The following SLC14A2 variants were observed in gnomAD, a reference collection of about 807,000 sequenced individuals.
SLC14A2 encodes the protein solute carrier family 14 member 2, also known as urea transporter 2.
Under a neutral mutation model 104.6 loss-of-function variants are expected in SLC14A2, and 91 were observed. The ratio of observed to expected loss-of-function variants is 0.87; its 90% CI spans 0.73 to 1.04. The LOEUF is 1.04. SLC14A2 is among the 50% of genes least tolerant of loss of function. The pLI is 0.00. For missense variants in SLC14A2, 1,189 were observed against 1,156.0 expected, an observed-to-expected ratio of 1.03 and a Z score of -0.41; for synonymous variants, 476 against 466.4, an observed-to-expected ratio of 1.02 and a Z score of -0.27.
At chr18:45,532,722 T>G (rs1598969794) in intron 2 of SLC14A2, among the ~76,000 whole-genome samples, 1 of 152,246 alleles carries the variant, frequency 6.6e-6, no homozygotes, top group East Asian at 1.9e-4. Flanking sequence ...TGGCCAGAAC[T>G]TCCAACACTA....
chr18:45,186,678 C>T, the SLC14A2 span, among the ~76,000 whole-genome samples: 3 of 152,144 alleles, frequency 2.0e-5, no homozygotes, highest in Non-Finnish European at 2.9e-5. Context: ...ACAGAAGCAT[C>T]CAGAGAGTCA....
At chr18:45,256,072 C>T (rs1302549579) in intron 1 of SLC14A2, among the ~76,000 whole-genome samples, 3 of 152,160 alleles carry the variant, frequency 2.0e-5, no homozygotes, top group African/African-American at 7.2e-5. Flanking sequence ...TGGGACTCAG[C>T]GTTCTGGAGG....
chr18:45,355,328 C>T (rs1196569462), intron 1 of SLC14A2, among the ~76,000 whole-genome samples: 1 of 152,022 alleles, frequency 6.6e-6, no homozygotes, highest in Non-Finnish European at 1.5e-5. Context: ...GTAATCCCAG[C>T]ACTTTGGGAG....
intron 1 of SLC14A2, among the ~76,000 whole-genome samples, chr18:45,375,224 C>A (rs566573819): frequency 6.6e-6 from 1 of 152,170 alleles, no homozygotes; most frequent in African/African-American, 2.4e-5. Flanking sequence ...ACTAGACTGC[C>A]TTTGTAGGAC....
At chr18:45,275,807 T>G (rs1046518752) in intron 1 of SLC14A2, among the ~76,000 whole-genome samples, 1 of 152,228 alleles carries the variant, frequency 6.6e-6, no homozygotes, top group African/African-American at 2.4e-5. Context: ...TCAAAATCCC[T>G]GTCTTCACTG....
chr18:45,179,480 AC>A, the SLC14A2 span, among the ~76,000 whole-genome samples: 1 of 152,142 alleles, frequency 6.6e-6, no homozygotes, highest in African/African-American at 2.4e-5. Flanking sequence ...GAAAACAAAA[AC>A]AAAACACAGG....
intron 1 of SLC14A2, among the ~76,000 whole-genome samples, chr18:45,236,583 A>G (rs185244876): frequency 1.4e-5 from 2 of 147,834 alleles, no homozygotes; most frequent in African/African-American, 5.1e-5. Context: ...ATATACATAT[A>G]TATATGGGAA....
intron 2 of SLC14A2, among the ~76,000 whole-genome samples, chr18:45,589,610 T>TG (rs1403718188): frequency 6.6e-6 from 1 of 152,210 alleles, no homozygotes; most frequent in African/African-American, 2.4e-5. Context: ...TCAAATTCAA[T>TG]GGATTTTGGC....
chr18:45,210,829 T>C (rs1261760637), upstream of SLC14A2, among the ~76,000 whole-genome samples: 1 of 152,222 alleles, frequency 6.6e-6, no homozygotes, highest in Non-Finnish European at 1.5e-5. Context: ...TAACGTGATA[T>C]AGAATATGGA....
chr18:45,181,226 C>T, the SLC14A2 span: 1 of 152,300 alleles, frequency 6.6e-6, no homozygotes, highest in Non-Finnish European at 1.5e-5. Flanking sequence ...TTGTACATCA[C>T]TCTTGCAAAA....
chr18:45,225,736 A>G (rs1025280144), intron 1 of SLC14A2, among the ~76,000 whole-genome samples: 6 of 152,210 alleles, frequency 3.9e-5, no homozygotes, highest in African/African-American at 1.4e-4. Flanking sequence ...TAGGTATTTT[A>G]TTCTCTTTGA....
At chr18:45,675,059 C>G (rs2046204234) in intron 18 of SLC14A2, among the ~76,000 whole-genome samples, 1 of 152,156 alleles carries the variant, frequency 6.6e-6, no homozygotes, top group Non-Finnish European at 1.5e-5. Context: ...CAGCATGGCA[C>G]CTCTCTCTAT....
chr18:45,621,694 G>A (rs907590587), intron 1 of SLC14A2, among the ~76,000 whole-genome samples: 17 of 152,190 alleles, frequency 1.1e-4, no homozygotes, highest in Non-Finnish European at 1.2e-4. Flanking sequence ...GGAGGCCACC[G>A]TCCTCATGAA....
intron 1 of SLC14A2, among the ~76,000 whole-genome samples, chr18:45,259,150 C>T (rs1282541598): frequency 2.0e-5 from 3 of 152,184 alleles, no homozygotes; most frequent in Non-Finnish European, 4.4e-5. Flanking sequence ...GTTTGGAAAA[C>T]TTCAGTGGTA....
At chr18:45,501,136 G>A (rs188625132) in intron 2 of SLC14A2, among the ~76,000 whole-genome samples, 98 of 152,218 alleles carry the variant, frequency 6.4e-4, no homozygotes, top group Admixed American at 5.4e-3. Flanking sequence ...AGAACCTGAG[G>A]ATCAAAAAGG....
At chr18:45,329,294 G>T (rs1044560096) in intron 1 of SLC14A2, among the ~76,000 whole-genome samples, 20 of 152,154 alleles carry the variant, frequency 1.3e-4, no homozygotes, top group African/African-American at 4.6e-4. Flanking sequence ...AGACGGTGAG[G>T]CAAGTTCATT....
At chr18:45,388,441 C>T (rs773382683) in intron 1 of SLC14A2, among the ~76,000 whole-genome samples, 7 of 152,070 alleles carry the variant, frequency 4.6e-5, no homozygotes, top group Non-Finnish European at 1.0e-4. Flanking sequence ...CTCCTCAGCT[C>T]TTGACAGCAA....
intron 1 of SLC14A2, among the ~76,000 whole-genome samples, chr18:45,354,130 A>G (rs924460422): frequency 6.6e-6 from 1 of 152,188 alleles, no homozygotes; most frequent in Non-Finnish European, 1.5e-5. Context: ...TGTTCTCTAT[A>G]ACATCAATAC....
chr18:45,197,777 T>A, the SLC14A2 span, among the ~76,000 whole-genome samples: 5 of 152,200 alleles, frequency 3.3e-5, no homozygotes, highest in African/African-American at 9.6e-5. Flanking sequence ...GAAAATGAAA[T>A]TCCGCAGTGA....
Sources: gnomAD v4.1 joint callset for allele counts (sites outside exome capture counted in the v4.1 genomes callset) on GRCh38, gnomAD v4.1.1 for gene constraint, MANE v1.5 for transcripts, NCBI Gene and HGNC (gene_info 2026-07-23, HGNC 2026-07-21) for gene names.